ITGB3BP: variants seen among roughly 807,000 people sequenced by gnomAD.
The protein encoded by ITGB3BP is integrin subunit beta 3 binding protein.
In ITGB3BP, 27 loss-of-function variants were observed where a neutral mutation model predicts 29.1. The ratio of observed to expected loss-of-function variants is 0.93; its 90% confidence interval spans 0.68 to 1.28. The LOEUF (loss-of-function observed/expected upper bound fraction) is 1.28. ITGB3BP is among the 50% of genes most tolerant of loss of function. ITGB3BP has a pLI of 0.00. For missense variants in ITGB3BP, 192 were observed against 200.2 expected (o/e 0.96, Z 0.25); for synonymous variants, 61 against 61.4 (o/e 0.99, Z 0.03).
At chr1:63,475,722 G>A (rs1282365573) in intron 4 of ITGB3BP, among the ~76,000 whole-genome samples, 1 of 152,158 alleles carries the variant, frequency 6.6e-6, no homozygotes, top group Non-Finnish European at 1.5e-5. Context: ...TCCTGGCCAG[G>A]TGCGGTGGCT....
intron 1 of ITGB3BP, among the ~76,000 whole-genome samples, chr1:63,517,326 T>A (rs1465770764): frequency 6.6e-6 from 1 of 151,808 alleles, no homozygotes; most frequent in Non-Finnish European, 1.5e-5. Context: ...CATGTATATA[T>A]ATGTAACTAA....
At chr1:63,480,132 T>C (rs1432092924) in intron 3 of ITGB3BP, among the ~76,000 whole-genome samples, 1 of 152,142 alleles carries the variant, frequency 6.6e-6, no homozygotes, top group East Asian at 1.9e-4. Context: ...TAAAATGCCA[T>C]GTAGTTATCC....
intron 1 of ITGB3BP, among the ~76,000 whole-genome samples, chr1:63,512,405 G>GA (rs1263965322): frequency 1.4e-4 from 21 of 150,878 alleles, no homozygotes; most frequent in East Asian, 5.8e-4. Context: ...ATTATTCTAG[G>GA]AAAAAAAAAC....
At chr1:63,444,643 A>C (rs1197271036) in intron 8 of ITGB3BP, among the ~76,000 whole-genome samples, 2 of 146,968 alleles carry the variant, frequency 1.4e-5, no homozygotes, top group Admixed American at 6.9e-5. Flanking sequence ...ATATATATAT[A>C]TCTCCTATTA....
chr1:63,476,230 A>G (rs1172591238), intron 4 of ITGB3BP, among the ~76,000 whole-genome samples: 1 of 151,544 alleles, frequency 6.6e-6, no homozygotes, highest in Non-Finnish European at 1.5e-5. Flanking sequence ...GTGGCACGAT[A>G]TCAACTCACT....
At chr1:63,492,037 GTACA>G (rs1358058510) in intron 2 of ITGB3BP, among the ~76,000 whole-genome samples, 2 of 152,012 alleles carry the variant, frequency 1.3e-5, no homozygotes, top group Non-Finnish European at 2.9e-5. Context: ...CTACCCTAAT[GTACA>G]TCTATATCTA....
chr1:63,449,759 C>T (rs1381648273), intron 7 of ITGB3BP: 3 of 154,488 alleles, frequency 1.9e-5, no homozygotes, highest in Non-Finnish European at 4.4e-5. Flanking sequence ...TCTGTTGTTT[C>T]TCCTAAAAGT....
At chr1:63,468,769 A>T (rs1645142811) in intron 4 of ITGB3BP, among the ~76,000 whole-genome samples, 2 of 151,968 alleles carry the variant, frequency 1.3e-5, no homozygotes, top group South Asian at 4.2e-4. Flanking sequence ...GCTGAGGCAG[A>T]AGAATTACTT....
At chr1:63,506,119 A>C (rs1646073036) in intron 2 of ITGB3BP, among the ~76,000 whole-genome samples, 1 of 152,026 alleles carries the variant, frequency 6.6e-6, no homozygotes, top group South Asian at 2.1e-4. Context: ...TGGGTTGTTA[A>C]AGTCTCCCAT....
chr1:63,502,594 G>T (rs1402297014), intron 2 of ITGB3BP, among the ~76,000 whole-genome samples: 5 of 150,202 alleles, frequency 3.3e-5, no homozygotes, highest in African/African-American at 1.2e-4. Context: ...TACATGTGCC[G>T]TGTTGATGTG....
At chr1:63,510,164 T>A in intron 1 of ITGB3BP, 1 of 539,100 alleles carries the variant, frequency 1.9e-6, no homozygotes, top group Non-Finnish European at 3.4e-6. Context: ...CACTCTAGCC[T>A]GGGCAACGGG....
In ITGB3BP at chr1:63,476,712, TTTTG is replaced by T. The variant is rs1296949433; in HGVS notation, c.254+2048_254+2051del. 2.0e-4 allele frequency among the ~76,000 whole-genome samples: 31 copies of T among 152,354 alleles called. No individual in the cohort carries two copies. The Middle Eastern group carries it at 0.01, about 50-fold the overall frequency. On this transcript the variant is annotated intron_variant, in intron 4 of 8. Transcript: ENST00000271002. ...AACAGGCTTGATTATCTGGTATCACTTTTGTCCAACAACATTTCCTCCTTTGCTG... is the reference window on the plus strand; with the variant it reads ...AACAGGCTTGATTATCTGGTATCACTTCCAACAACATTTCCTCCTTTGCTG...
intron 4 of ITGB3BP, among the ~76,000 whole-genome samples, chr1:63,472,355 A>T (rs1645213168): frequency 7.3e-6 from 1 of 136,720 alleles, no homozygotes; most frequent in Non-Finnish European, 1.6e-5. Context: ...CCTAGCTATG[A>T]TATTTTTGCA....
intron 2 of ITGB3BP, among the ~76,000 whole-genome samples, chr1:63,505,646 C>T (rs1426270542): frequency 6.6e-6 from 1 of 152,004 alleles, no homozygotes; most frequent in Non-Finnish European, 1.5e-5. Flanking sequence ...CTCTTGTGGG[C>T]ATTTAGTGCT....
chr1:63,516,541 C>G (rs1385392456), intron 1 of ITGB3BP, among the ~76,000 whole-genome samples: 4 of 150,846 alleles, frequency 2.7e-5, no homozygotes, highest in Non-Finnish European at 4.4e-5. Flanking sequence ...GAGACTCTGT[C>G]TTTACAAAAA....
chr1:63,504,982 T>G (rs946899551), intron 2 of ITGB3BP, among the ~76,000 whole-genome samples: 3 of 152,202 alleles, frequency 2.0e-5, no homozygotes, highest in Non-Finnish European at 2.9e-5. Flanking sequence ...CTTTTTTTGC[T>G]GTGTCTCTGC....
chr1:63,457,088 T>C (rs2100517053), intron 4 of ITGB3BP: 1 of 152,324 alleles, frequency 6.6e-6, no homozygotes, highest in East Asian at 1.9e-4. Flanking sequence ...ACTATTTTGA[T>C]TCCCTTTCCT....
upstream of ITGB3BP, among the ~76,000 whole-genome samples, chr1:63,526,567 T>C (rs1375119266): frequency 6.6e-6 from 1 of 152,208 alleles, no homozygotes; most frequent in Non-Finnish European, 1.5e-5. Flanking sequence ...ATACAAGAAT[T>C]GACAAGATTA....
At chr1:63,448,156 A>T (rs1360186315) in intron 7 of ITGB3BP, among the ~76,000 whole-genome samples, 8 of 123,442 alleles carry the variant, frequency 6.5e-5, no homozygotes, top group Non-Finnish European at 1.3e-4. Context: ...AGGAAGGGGA[A>T]CATCACACTC....
Sources: allele counts gnomAD v4.1 joint callset (sites outside exome capture counted in the v4.1 genomes callset), GRCh38; gene constraint gnomAD v4.1.1; transcripts MANE v1.5; gene names NCBI Gene and HGNC (gene_info 2026-07-23, HGNC 2026-07-21).